Variants in MGAT5 observed in about 807,000 individuals in gnomAD.
MGAT5 encodes alpha-1,6-mannosylglycoprotein 6-beta-N-acetylglucosaminyltransferase.
Under a neutral mutation model 94.3 loss-of-function variants are expected in MGAT5, and 30 were observed. The observed-to-expected ratio is 0.32, with a 90% confidence interval of 0.24 to 0.43. MGAT5 has a LOEUF of 0.43. Ranked by LOEUF, MGAT5 falls within the 20% of genes least tolerant of loss-of-function variation. MGAT5 has a pLI of 1.00. For missense variants in MGAT5, 691 were observed against 905.5 expected, an observed-to-expected ratio of 0.76 and a Z score of 3.04; for synonymous variants, 310 against 322.9, an observed-to-expected ratio of 0.96 and a Z score of 0.43.
At chr2:134,429,583 AT>A (rs1234346638) in intron 14 of MGAT5, among the ~76,000 whole-genome samples, 1 of 152,230 alleles carries the variant, frequency 6.6e-6, no homozygotes, top group Non-Finnish European at 1.5e-5. Context: ...TAATGAGCTA[AT>A]ACATACAAAG....
At chr2:134,372,527 A>G (rs1353707586) in intron 10 of MGAT5, among the ~76,000 whole-genome samples, 2 of 152,234 alleles carry the variant, frequency 1.3e-5, no homozygotes, top group African/African-American at 2.4e-5. Flanking sequence ...AAAGCCTCAG[A>G]GACATTTAGA....
intron 1 of MGAT5, among the ~76,000 whole-genome samples, chr2:134,139,472 C>T (rs1035592087): frequency 6.6e-6 from 1 of 152,154 alleles, no homozygotes. Flanking sequence ...CCCTCAAATA[C>T]ACTGCTTTGC....
chr2:134,145,212 C>CTGTGTGTGTGTGTGTG (rs1350453588), intron 1 of MGAT5, among the ~76,000 whole-genome samples: 9 of 113,780 alleles, frequency 7.9e-5, no homozygotes, highest in African/African-American at 3.1e-4. Context: ...GTGTCTCTCT[C>CTGTGTGTGTGTGTGTG]TCTGTGTGTG....
Position 134,175,446 on chromosome 2 carries a change from G to A in MGAT5, c.-143+55155G>A, listed in dbSNP as rs141531692. Among the ~76,000 whole-genome samples, 703 of 152,300 alleles carry A rather than the reference G, an allele frequency of 4.6e-3. 7 individuals carry two copies. Among genetic ancestry groups the A allele is most frequent in the African/African-American group, 0.016 (683 of 41,560 alleles). On this transcript the variant is annotated intron_variant, in intron 1 of 16. Coordinates refer to the MGAT5 transcript ENST00000409645. ...GGACTCAGACCCATCAGGAACTCTA[G>A]TGTACCTCCTGTCTGAGGAAGGTTG... is the stretch of plus-strand genomic sequence containing the variant.
intron 1 of MGAT5, among the ~76,000 whole-genome samples, chr2:134,207,815 C>G (rs1002328517): frequency 2.0e-5 from 3 of 152,166 alleles, no homozygotes; most frequent in African/African-American, 7.2e-5. Context: ...CTCAGGAGGT[C>G]TTTGCCCAGA....
intron 1 of MGAT5, among the ~76,000 whole-genome samples, chr2:134,239,719 A>AG (rs1462365759): frequency 1.3e-5 from 2 of 151,884 alleles, no homozygotes; most frequent in African/African-American, 4.8e-5. Context: ...GGATGGATCT[A>AG]GGGGGGCCGG....
At position 134,376,420 on chromosome 2, in the gene MGAT5, C is replaced by A. The variant is rs75440431; in HGVS notation, c.1380+14012C>A. On this transcript the variant is annotated intron_variant, in intron 10 of 15. Coordinates refer to ENST00000281923, the MANE Select transcript of MGAT5 (RefSeq NM_002410.5). ...AATTTGTCCTAAATTGTCCTAAAGA[C>A]AGTGTCTTTTTATTTTCTTATTCTT... Among the ~76,000 whole-genome samples the A allele has an allele frequency of 4.8e-3, 727 of 152,242 alleles. 8 individuals are homozygous for A. The highest frequency in any genetic ancestry group is 0.017 in the African/African-American group (689 of 41,524).
intron 1 of MGAT5, among the ~76,000 whole-genome samples, chr2:134,205,160 A>C (rs1392179587): frequency 6.6e-6 from 1 of 152,242 alleles, no homozygotes; most frequent in African/African-American, 2.4e-5. Context: ...GGCAGTGGCC[A>C]GACCATGTAG....
At chr2:134,448,245 C>G (rs1685904464) in intron 15 of MGAT5, among the ~76,000 whole-genome samples, 1 of 152,210 alleles carries the variant, frequency 6.6e-6, no homozygotes, top group Admixed American at 6.5e-5. Context: ...CTGGGACTCA[C>G]CTTTCCCCAG....
chr2:134,274,402 A>G (rs1684218584), intron 2 of MGAT5, among the ~76,000 whole-genome samples: 1 of 152,204 alleles, frequency 6.6e-6, no homozygotes, highest in South Asian at 2.1e-4. Context: ...GACACCGCCT[A>G]AGAAGTGGGA....
At chr2:134,286,305 C>T (rs1277791846) in intron 2 of MGAT5, among the ~76,000 whole-genome samples, 1 of 152,194 alleles carries the variant, frequency 6.6e-6, no homozygotes, top group Non-Finnish European at 1.5e-5. Flanking sequence ...TCCAAAGCCC[C>T]TTTTCCCCTT....
chr2:134,306,956 G>A (rs1472104644), intron 2 of MGAT5, among the ~76,000 whole-genome samples: 1 of 152,106 alleles, frequency 6.6e-6, no homozygotes, highest in African/African-American at 2.4e-5. Flanking sequence ...ATACATTTCA[G>A]TGTCAGTTCC....
intron 4 of MGAT5, among the ~76,000 whole-genome samples, chr2:134,324,318 G>A (rs1687516300): frequency 1.3e-5 from 2 of 152,134 alleles, no homozygotes; most frequent in Admixed American, 1.3e-4. Context: ...GCATGAGAGT[G>A]TGTCTATGAC....
intron 11 of MGAT5, among the ~76,000 whole-genome samples, chr2:134,403,627 G>C (rs565630214): frequency 1.3e-5 from 2 of 152,340 alleles, no homozygotes; most frequent in East Asian, 3.9e-4. Context: ...TCAGGAAGCA[G>C]AGCAAGCATC....
intron 1 of MGAT5, among the ~76,000 whole-genome samples, chr2:134,159,708 G>A (rs1216034761): frequency 6.6e-6 from 1 of 152,100 alleles, no homozygotes; most frequent in Non-Finnish European, 1.5e-5. Context: ...TGAGCATGGT[G>A]GCACAGCCTA....
chr2:134,146,004 G>A (rs1193557741), intron 1 of MGAT5, among the ~76,000 whole-genome samples: 1 of 152,086 alleles, frequency 6.6e-6, no homozygotes, highest in Non-Finnish European at 1.5e-5. Flanking sequence ...TGGTTAGCCT[G>A]GTCTTTTCTC....
chr2:134,200,705 C>T (rs1025082062), intron 1 of MGAT5, among the ~76,000 whole-genome samples: 9 of 152,048 alleles, frequency 5.9e-5, no homozygotes, highest in African/African-American at 2.2e-4. Context: ...TTCTGTGGAG[C>T]CTATGTTCTG....
intron 1 of MGAT5, among the ~76,000 whole-genome samples, chr2:134,254,979 T>C (rs567940011): frequency 3.9e-4 from 60 of 152,140 alleles, no homozygotes; most frequent in African/African-American, 1.4e-3. Flanking sequence ...TGCTGAAAAA[T>C]ATTCTCATCT....
intron 1 of MGAT5, among the ~76,000 whole-genome samples, chr2:134,235,207 G>A (rs1022807626): frequency 7.2e-5 from 11 of 151,996 alleles, no homozygotes; most frequent in African/African-American, 2.2e-4. Context: ...CATGCTCCCC[G>A]ACCTCATACC....
Sources: gnomAD v4.1 joint callset for allele counts (sites outside exome capture counted in the v4.1 genomes callset) on GRCh38, gnomAD v4.1.1 for gene constraint, MANE v1.5 for transcripts, NCBI Gene and HGNC (gene_info 2026-07-23, HGNC 2026-07-21) for gene names.